Variants in RXRA observed in about 807,000 individuals in gnomAD.
RXRA encodes retinoid X receptor alpha.
In RXRA, 5 loss-of-function variants were observed where a neutral mutation model predicts 44.5. The observed-to-expected ratio is 0.11, with a 90% confidence interval of 0.06 to 0.24. The LOEUF is 0.24. Among genes scored for constraint, RXRA ranks in the 10% least tolerant of loss-of-function variants. The pLI is 1.00. For synonymous variants in RXRA, 291 were observed against 271.4 expected, an observed-to-expected ratio of 1.07 and a Z score of -0.71; for missense variants, 412 against 646.5, an observed-to-expected ratio of 0.64 and a Z score of 3.93.
At chr9:134,376,853 G>A (rs546650790) in intron 1 of RXRA, among the ~76,000 whole-genome samples, 2 of 152,362 alleles carry the variant, frequency 1.3e-5, no homozygotes, top group East Asian at 1.9e-4. Flanking sequence ...GGGAGGGAAG[G>A]GGCATGGTGA....
chr9:134,327,888 G>A (rs544794866), intron 1 of RXRA, among the ~76,000 whole-genome samples: 5 of 152,302 alleles, frequency 3.3e-5, no homozygotes, highest in African/African-American at 1.2e-4. Context: ...CCCTGCCTCT[G>A]TCATGATGGA....
intron 1 of RXRA, among the ~76,000 whole-genome samples, chr9:134,360,991 C>T (rs1368320081): frequency 6.6e-6 from 1 of 152,172 alleles, no homozygotes; most frequent in East Asian, 1.9e-4. Flanking sequence ...ATCCAGGAGG[C>T]CTGGAGAGCT....
At position 134,408,210 on chromosome 9, in the gene RXRA, A is replaced by G. The variant is rs200515003; in HGVS notation, c.341A>G (p.Asn114Ser). 4.1e-5 allele frequency: 66 copies of G among 1,610,616 alleles called. No individual in the cohort carries two copies. Among genetic ancestry groups the G allele is most frequent in the Non-Finnish European group, 4.9e-5 (58 of 1,178,668 alleles). ...SEDIKPPLGLNGVLKVPAHPS... is the reference protein window; with the variant it reads ...SEDIKPPLGLSGVLKVPAHPS... ...GACATCAAGCCCCCCCTGGGCCTCA[A>G]TGGCGTCCTCAAGGTCCCCGCCCAC... Residue 114 changes from asparagine (N) to serine (S), a missense_variant, in exon 3 of 10, where the codon AAT (asparagine) becomes AGT (serine). Physicochemically the swap from Asn to Ser is conservative, Grantham distance 46. Transcript: ENST00000481739.
intron 8 of RXRA, 22 bp from the exon 9 acceptor site, chr9:134,434,080 A>T: frequency 6.3e-7 from 1 of 1,594,728 alleles, no homozygotes; most frequent in Non-Finnish European, 8.6e-7. Context: ...GAGGGTTCTG[A>T]CCTGTGGCTT....
intron 8 of RXRA, 116 bp downstream of exon 8, chr9:134,432,112 C>G (rs1325738196): frequency 1.9e-5 from 13 of 702,682 alleles, no homozygotes; most frequent in Non-Finnish European, 3.2e-5. Context: ...AACTCCCACC[C>G]TCCTTGAGCT....
intron 1 of RXRA, among the ~76,000 whole-genome samples, chr9:134,369,450 G>A (rs1208665509): frequency 1.7e-4 from 21 of 120,204 alleles, no homozygotes; most frequent in African/African-American, 6.4e-4. Context: ...TGTGTATGTG[G>A]GGGGGTTGTG....
intron 2 of RXRA, chr9:134,404,489 GGAGT>G (rs1183674864): frequency 6.6e-6 from 1 of 152,318 alleles, no homozygotes; most frequent in Admixed American, 6.5e-5. Flanking sequence ...AGGTATTGGT[GGAGT>G]GAGTTGGTGC....
chr9:134,436,440 G>A (rs1805343), intron 9 of RXRA, 27 bp from the exon 10 acceptor site: 1,004,900 of 1,610,376 alleles, frequency 0.62, 320,972 homozygotes, highest in Non-Finnish European at 0.66. Flanking sequence ...CCCCTTGCCC[G>A]GCCCTCACCA....
At chr9:134,432,221 G>A (rs1447604926) in intron 8 of RXRA, among the ~76,000 whole-genome samples, 1 of 152,230 alleles carries the variant, frequency 6.6e-6, no homozygotes, top group Non-Finnish European at 1.5e-5. Flanking sequence ...GGGGGACCCA[G>A]CAAGGCAGTT....
chr9:134,422,970 G>GA (rs1342638927), intron 6 of RXRA: 1 of 985,380 alleles, frequency 1.0e-6, no homozygotes, highest in Non-Finnish European at 1.2e-6. Flanking sequence ...CCACTGCACA[G>GA]AAATGCCTGC....
In RXRA at chr9:134,407,509, T is replaced by C. The variant is rs1831071493; in HGVS notation, c.280-640T>C. On this transcript the variant is annotated intron_variant, in intron 2 of 9. Coordinates refer to ENST00000481739, the MANE Select transcript of RXRA (RefSeq NM_002957.6). This position sits in a 1 kb window ranked among gnomAD's most constrained non-coding sequence, Gnocchi z 4.8. Reference sequence around the variant, plus strand: ...GGTGACCGGGTGAGTTTCCCACGCTTGCCCGGGCGGCAGCGTGCGGGCCGG... The same window carrying C: ...GGTGACCGGGTGAGTTTCCCACGCTCGCCCGGGCGGCAGCGTGCGGGCCGG... 6.6e-6 allele frequency among the ~76,000 whole-genome samples: 1 copy of C among 152,134 alleles called. No individual in the cohort carries two copies. Among genetic ancestry groups the C allele is most frequent in the Admixed American group, 6.5e-5 (1 of 15,290 alleles).
intron 8 of RXRA, among the ~76,000 whole-genome samples, chr9:134,432,254 C>T (rs548853422): frequency 3.3e-5 from 5 of 152,356 alleles, no homozygotes; most frequent in South Asian, 4.1e-4. Context: ...TTGGTGGTGC[C>T]GTCTGGGCTC....
chr9:134,421,336 G>T (rs1831326787), intron 5 of RXRA, among the ~76,000 whole-genome samples: 1 of 152,078 alleles, frequency 6.6e-6, no homozygotes, highest in African/African-American at 2.4e-5. Flanking sequence ...TTCAAACCCA[G>T]CAGTGTCTCT....
intron 2 of RXRA, chr9:134,405,317 A>G (rs1010093555): frequency 2.0e-5 from 3 of 152,278 alleles, no homozygotes; most frequent in Admixed American, 6.5e-5. Flanking sequence ...TGCAGCCTGG[A>G]TGGGCACCTC....
At position 134,432,013 on chromosome 9, in the gene RXRA, T is replaced by A. The variant is rs1831540238; in HGVS notation, c.1135+17T>A. 6.2e-7 allele frequency: 1 copy of A among 1,602,736 alleles called. No individual in the cohort carries two copies. Among genetic ancestry groups the A allele is most frequent in the Non-Finnish European group, 8.5e-7 (1 of 1,170,324 alleles). On this transcript the variant is annotated intron_variant, in intron 8 of 9. Coordinates refer to ENST00000481739, the MANE Select transcript of RXRA (RefSeq NM_002957.6). ...TTAACCCTGGTATGGCCTTCCTGCC[T>A]TGAGGCTTCTGGCCCCGTTCTCTGG...
At position 134,426,654 on chromosome 9, in the gene RXRA, C is replaced by A; in HGVS notation, c.911-2454C>A. The A allele has an allele frequency of 3.0e-6, 3 of 985,382 alleles. No homozygotes were observed. The highest frequency in any genetic ancestry group is 3.6e-6 in the Non-Finnish European group (3 of 829,920). 61.0% of individuals were successfully genotyped at this position (985,382 alleles called of 1,614,324 possible). On this transcript the variant is annotated intron_variant, in intron 6 of 9. Coordinates refer to ENST00000481739, the MANE Select transcript of RXRA (RefSeq NM_002957.6). This position sits in a 1 kb window ranked among gnomAD's most constrained non-coding sequence, Gnocchi z 4.6. ...GCTGGGCACACCAGAGTTTCAGAGG[C>A]GAGTCTACCCTGGTGCCTGCTGGGT...
At chr9:134,352,134 G>A (rs1364649248) in intron 1 of RXRA, among the ~76,000 whole-genome samples, 6 of 152,182 alleles carry the variant, frequency 3.9e-5, no homozygotes, top group African/African-American at 1.4e-4. Flanking sequence ...AGCAAGGGGA[G>A]GGTTCTGGGC....
intron 1 of RXRA, among the ~76,000 whole-genome samples, chr9:134,352,996 G>A (rs1471850328): frequency 3.9e-5 from 6 of 152,090 alleles, no homozygotes; most frequent in African/African-American, 1.4e-4. Flanking sequence ...GGGCTGTGAC[G>A]TTTGTTGACA....
intron 1 of RXRA, among the ~76,000 whole-genome samples, chr9:134,396,676 C>T (rs1830884440): frequency 6.6e-6 from 1 of 152,154 alleles, no homozygotes; most frequent in Admixed American, 6.5e-5. Context: ...CTTTCCTTTG[C>T]ACCATCCTGG....
Sources: allele counts gnomAD v4.1 joint callset (sites outside exome capture counted in the v4.1 genomes callset), GRCh38; gene constraint gnomAD v4.1.1; non-coding constraint Gnocchi (gnomAD v3.1); transcripts MANE v1.5; gene names NCBI Gene and HGNC (gene_info 2026-07-23, HGNC 2026-07-21).